ROCK1: variants seen among roughly 807,000 people sequenced by gnomAD.
ROCK1 encodes rho-associated protein kinase 1.
In ROCK1, 36 loss-of-function variants were observed where a neutral mutation model predicts 196.8. That is an observed-to-expected ratio of 0.18 (90% CI 0.14 to 0.24). The LOEUF (loss-of-function observed/expected upper bound fraction) is 0.24, where lower values mean the gene tolerates loss of function less well. ROCK1 is among the 10% of genes least tolerant of loss of function. The probability of loss-of-function intolerance (pLI) is 1.00; values close to 1 mark genes in which losing one functional copy is unlikely to be tolerated. For missense variants in ROCK1, 920 were observed against 1,562.0 expected, an observed-to-expected ratio of 0.59 and a Z score of 6.93; for synonymous variants, 443 against 515.9, an observed-to-expected ratio of 0.86 and a Z score of 1.91.
chr18:21,015,869 A>G (rs545058539), intron 12 of ROCK1, among the ~76,000 whole-genome samples: 82 of 151,802 alleles, frequency 5.4e-4, no homozygotes, highest in Middle Eastern at 6.8e-3. Context: ...AATCCCAGCT[A>G]TTTGGGAGGC....
chr18:21,062,597 G>A (rs1360178808), intron 2 of ROCK1, among the ~76,000 whole-genome samples: 2 of 152,064 alleles, frequency 1.3e-5, no homozygotes, highest in Non-Finnish European at 2.9e-5. Flanking sequence ...CAAATAATAC[G>A]TGTAAAGTCT....
At chr18:20,957,493 T>TC (rs2035254768) in intron 29 of ROCK1, among the ~76,000 whole-genome samples, 1 of 152,172 alleles carries the variant, frequency 6.6e-6, no homozygotes, top group Non-Finnish European at 1.5e-5. Context: ...TTCTTTTTTT[T>TC]TTTTTGAGAT....
rs1359066989 is a variant in ROCK1 at position 21,054,804 on chromosome 18, C to T, written c.176-4924G>A. Among the ~76,000 whole-genome samples the T allele has an allele frequency of 3.3e-5, 5 of 152,260 alleles. No homozygotes were observed. In the East Asian group the frequency reaches 9.6e-4, roughly 29 times the overall value. On this transcript the variant is annotated intron_variant, in intron 2 of 32. Transcript: ENST00000399799. ...TCAATGATCTTGTCCTCTACCTTAC[C>T]TTGGTCACTCATTTCCATGGTCATA...
At position 20,949,139 on chromosome 18, in the gene ROCK1, A is replaced by C. The variant is rs2035157756; in HGVS notation, c.*2245T>G. 6.6e-6 allele frequency: 1 copy of C among 152,200 alleles called. No homozygotes were observed. Among genetic ancestry groups the C allele is most frequent in the Non-Finnish European group, 1.5e-5 (1 of 68,052 alleles). The allele number at this position is 152,200 out of a possible 1,614,324, so 9.4% of individuals were successfully genotyped here. ...TTCTCAACAATTCTAAGTTCAGATT[A>C]GTATGTCATTTGGAAAGTCTTCTCT... On this transcript the variant is annotated 3_prime_UTR_variant, in exon 33 of 33. Transcript: ENST00000399799.
chr18:21,106,117 G>C (rs2036700725), intron 1 of ROCK1, among the ~76,000 whole-genome samples: 1 of 152,128 alleles, frequency 6.6e-6, no homozygotes, highest in Admixed American at 6.5e-5. Flanking sequence ...GACTAATACT[G>C]GTTCCCTTCT....
chr18:21,063,324 A>C (rs1331154931), intron 2 of ROCK1, among the ~76,000 whole-genome samples: 2 of 152,194 alleles, frequency 1.3e-5, no homozygotes, highest in Non-Finnish European at 2.9e-5. Context: ...AGTATACAAG[A>C]TGCCATAGAA....
At chr18:21,099,913 G>A (rs1425329399) in intron 1 of ROCK1, among the ~76,000 whole-genome samples, 2 of 151,964 alleles carry the variant, frequency 1.3e-5, no homozygotes, top group African/African-American at 2.4e-5. Context: ...GCACATGCCT[G>A]TAGTCCCAGC....
At chr18:20,971,307 C>CACACACACAT (rs2035424235) in intron 22 of ROCK1, among the ~76,000 whole-genome samples, 2 of 20,606 alleles carry the variant, frequency 9.7e-5, no homozygotes, top group African/African-American at 1.7e-4. Flanking sequence ...AGTAAACATA[C>CACACACACAT]ACACACACAC....
At chr18:21,007,347 C>T (rs564628652) in intron 14 of ROCK1, among the ~76,000 whole-genome samples, 1 of 152,164 alleles carries the variant, frequency 6.6e-6, no homozygotes, top group South Asian at 2.1e-4. Flanking sequence ...TGTTTTATAA[C>T]CGTATTTAAG....
intron 27 of ROCK1, 38 bp from the exon 28 acceptor site, chr18:20,960,244 A>C: frequency 8.1e-7 from 1 of 1,239,326 alleles, no homozygotes; most frequent in Non-Finnish European, 1.2e-6. Flanking sequence ...TCAGTCTTAA[A>C]TTGTAACAAA....
At chr18:20,966,856 G>C in intron 27 of ROCK1, 61 bp downstream of exon 27, 2 of 1,333,342 alleles carry the variant, frequency 1.5e-6, no homozygotes, top group South Asian at 1.4e-5. Flanking sequence ...CCAAATGAAA[G>C]AAATATACAC....
At chr18:21,104,470 G>A (rs1414720188) in intron 1 of ROCK1, among the ~76,000 whole-genome samples, 3 of 152,122 alleles carry the variant, frequency 2.0e-5, no homozygotes, top group Non-Finnish European at 2.9e-5. Context: ...GGTGGCGGGC[G>A]CCTGTAGTCC....
At chr18:21,098,224 A>G (rs1246744495) in intron 1 of ROCK1, among the ~76,000 whole-genome samples, 3 of 152,246 alleles carry the variant, frequency 2.0e-5, no homozygotes, top group African/African-American at 4.8e-5. Context: ...TGGTATTAGC[A>G]CATGAAAAAG....
At chr18:20,963,438 C>T (rs1280806169) in intron 27 of ROCK1, among the ~76,000 whole-genome samples, 1 of 151,940 alleles carries the variant, frequency 6.6e-6, no homozygotes, top group African/African-American at 2.4e-5. Flanking sequence ...TTAATTAATA[C>T]TCAACAAGTC....
intron 9 of ROCK1, among the ~76,000 whole-genome samples, chr18:21,037,092 T>C (rs1221465300): frequency 6.6e-6 from 1 of 152,194 alleles, no homozygotes; most frequent in Non-Finnish European, 1.5e-5. Flanking sequence ...CTTGCAGTTA[T>C]GACCTGTAGT....
chr18:21,014,910 T>C (rs1399067789), intron 13 of ROCK1, among the ~76,000 whole-genome samples: 1 of 152,226 alleles, frequency 6.6e-6, no homozygotes, highest in Non-Finnish European at 1.5e-5. Flanking sequence ...ATGTATTACA[T>C]ATTTGCAAAC....
At chr18:21,027,370 TACC>T (rs2035967687) in intron 10 of ROCK1, among the ~76,000 whole-genome samples, 1 of 152,234 alleles carries the variant, frequency 6.6e-6, no homozygotes, top group African/African-American at 2.4e-5. Context: ...GCTCAGTATA[TACC>T]TGACAAATAA....
intron 18 of ROCK1, among the ~76,000 whole-genome samples, chr18:20,987,709 A>G (rs1404245550): frequency 6.6e-6 from 1 of 152,188 alleles, no homozygotes; most frequent in Admixed American, 6.6e-5. Flanking sequence ...TAAGGATTCA[A>G]GTTTATTTAA....
intron 2 of ROCK1, among the ~76,000 whole-genome samples, chr18:21,063,694 G>C (rs578235581): frequency 3.3e-5 from 5 of 152,152 alleles, no homozygotes; most frequent in Non-Finnish European, 7.4e-5. Context: ...GTAGGTAACT[G>C]TACATAGGCA....
Sources: allele counts gnomAD v4.1 joint callset (sites outside exome capture counted in the v4.1 genomes callset), GRCh38; gene constraint gnomAD v4.1.1; transcripts MANE v1.5; gene names NCBI Gene and HGNC (gene_info 2026-07-23, HGNC 2026-07-21).